Variants in MSRA observed in about 807,000 individuals in gnomAD.
The protein encoded by MSRA is methionine sulfoxide reductase A.
In MSRA, 54 loss-of-function variants were observed where a neutral mutation model predicts 31.3. That is an observed-to-expected ratio of 1.73 (90% CI 1.39 to 2.17). The LOEUF is 2.17. Ranked by LOEUF, MSRA falls within the 30% of genes most tolerant of loss-of-function variation. MSRA has a pLI of 0.00. For missense variants in MSRA, 507 were observed against 300.9 expected (o/e 1.69, Z -5.07); for synonymous variants, 169 against 116.5 (o/e 1.45, Z -2.90).
At position 10,115,840 on chromosome 8, in the gene MSRA, T is replaced by G. The variant is rs78933532; in HGVS notation, c.142+61182T>G. Among the ~76,000 whole-genome samples, 784 of 152,338 alleles carry G rather than the reference T, an allele frequency of 5.1e-3. 6 individuals are homozygous for G. Among genetic ancestry groups the G allele is most frequent in the African/African-American group, 0.018 (734 of 41,572 alleles). ...ACACAGTCCACACTCAATGACTGTT[T>G]AATGAATTAATTAATAAATAGAAAA... is the stretch of plus-strand genomic sequence containing the variant. On this transcript the variant is annotated intron_variant, in intron 1 of 5. Transcript: ENST00000317173.
intron 1 of MSRA, among the ~76,000 whole-genome samples, chr8:10,071,461 T>C (rs1465011955): frequency 2.1e-5 from 3 of 144,128 alleles, no homozygotes; most frequent in South Asian, 2.2e-4. Flanking sequence ...TAATTTTCTT[T>C]TTTTTTTTTT....
rs189517809 is a variant in MSRA at position 10,135,822 on chromosome 8, C to A, written c.143-72011C>A. On this transcript the variant is annotated intron_variant, in intron 1 of 5. Coordinates refer to ENST00000317173, the MANE Select transcript of MSRA (RefSeq NM_012331.5). Reference sequence around the variant, plus strand: ...CAGTTCTGGAATTTTGTTGAGACATCCCCAAAGTGTTTCACAGGCCTACAG... The same window carrying A: ...CAGTTCTGGAATTTTGTTGAGACATACCCAAAGTGTTTCACAGGCCTACAG... 4.6e-4 allele frequency among the ~76,000 whole-genome samples: 70 copies of A among 152,284 alleles called. No individual in the cohort carries two copies. The South Asian group carries it at 8.3e-3, about 18-fold the overall frequency.
At chr8:10,132,630 T>C (rs1203827240) in intron 1 of MSRA, among the ~76,000 whole-genome samples, 1 of 152,190 alleles carries the variant, frequency 6.6e-6, no homozygotes, top group Non-Finnish European at 1.5e-5. Flanking sequence ...AAGCAGGCTG[T>C]CCTATAAGGG....
intron 2 of MSRA, among the ~76,000 whole-genome samples, chr8:10,234,406 T>C (rs1197127195): frequency 6.6e-6 from 1 of 152,062 alleles, no homozygotes; most frequent in African/African-American, 2.4e-5. Flanking sequence ...TTGGAAAACA[T>C]AGTGAAGTGG....
intron 1 of MSRA, among the ~76,000 whole-genome samples, chr8:10,093,466 A>C (rs981701024): frequency 6.6e-6 from 1 of 152,132 alleles, no homozygotes; most frequent in Non-Finnish European, 1.5e-5. Context: ...GCTCTGTTCT[A>C]TTCCTTCTTT....
chr8:10,191,350 G>C (rs1807486519), intron 1 of MSRA, among the ~76,000 whole-genome samples: 1 of 152,030 alleles, frequency 6.6e-6, no homozygotes, highest in South Asian at 2.1e-4. Flanking sequence ...ATTGCAGTTA[G>C]GCCTTTGGCA....
intron 5 of MSRA, among the ~76,000 whole-genome samples, chr8:10,391,611 G>C (rs1806752521): frequency 6.6e-6 from 1 of 152,248 alleles, no homozygotes; most frequent in South Asian, 2.1e-4. Context: ...ACAAGATGAG[G>C]ATACTGGGTG....
intron 4 of MSRA, among the ~76,000 whole-genome samples, chr8:10,315,627 C>G (rs932461675): frequency 2.0e-4 from 31 of 152,188 alleles, no homozygotes; most frequent in Admixed American, 1.5e-3. Context: ...GATGGACTAG[C>G]TTTGTAAATG....
At chr8:10,128,093 C>G (rs953670487) in intron 1 of MSRA, among the ~76,000 whole-genome samples, 21 of 152,056 alleles carry the variant, frequency 1.4e-4, no homozygotes, top group Admixed American at 1.1e-3. Flanking sequence ...AAGTTTCTGT[C>G]TAGGCCAGGT....
intron 1 of MSRA, among the ~76,000 whole-genome samples, chr8:10,129,410 G>T (rs1262747875): frequency 6.6e-6 from 1 of 152,106 alleles, no homozygotes; most frequent in East Asian, 1.9e-4. Flanking sequence ...AAAGTTAAAT[G>T]AAATAAAATA....
At chr8:10,133,940 C>A (rs1050174134) in intron 1 of MSRA, among the ~76,000 whole-genome samples, 1 of 152,090 alleles carries the variant, frequency 6.6e-6, no homozygotes, top group African/African-American at 2.4e-5. Flanking sequence ...AAGTGATTCT[C>A]GTTTCTCAGC....
At chr8:10,237,342 G>C (rs184447926) in intron 2 of MSRA, among the ~76,000 whole-genome samples, 1 of 152,324 alleles carries the variant, frequency 6.6e-6, no homozygotes, top group East Asian at 1.9e-4. Context: ...TATAGAGATG[G>C]GCTTCCAGGT....
At chr8:10,107,001 A>G (rs1237496730) in intron 1 of MSRA, among the ~76,000 whole-genome samples, 2 of 151,996 alleles carry the variant, frequency 1.3e-5, no homozygotes, top group African/African-American at 4.8e-5. Context: ...TCAGCCCATT[A>G]TTCATTTAGT....
At chr8:10,198,705 C>A (rs889571690) in intron 1 of MSRA, among the ~76,000 whole-genome samples, 2 of 152,208 alleles carry the variant, frequency 1.3e-5, no homozygotes, top group African/African-American at 2.4e-5. Context: ...CTCAATGCAG[C>A]TTCTAACTAC....
intron 4 of MSRA, among the ~76,000 whole-genome samples, chr8:10,310,542 C>G (rs1801378663): frequency 6.6e-6 from 1 of 152,230 alleles, no homozygotes; most frequent in Non-Finnish European, 1.5e-5. Flanking sequence ...TGTCTGCACT[C>G]TGAGTGACAG....
chr8:10,416,225 C>T (rs543000609), intron 5 of MSRA, among the ~76,000 whole-genome samples: 1 of 152,194 alleles, frequency 6.6e-6, no homozygotes, highest in African/African-American at 2.4e-5. Context: ...TCGTGCCTAG[C>T]CCGGTCCTTG....
chr8:10,281,199 A>G (rs1298456000), intron 3 of MSRA, among the ~76,000 whole-genome samples: 1 of 152,210 alleles, frequency 6.6e-6, no homozygotes, highest in South Asian at 2.1e-4. Context: ...AGAAAAAAGC[A>G]TTTTCTACCA....
chr8:10,417,959 G>A (rs1168174677), intron 5 of MSRA, among the ~76,000 whole-genome samples: 1 of 152,060 alleles, frequency 6.6e-6, no homozygotes, highest in East Asian at 1.9e-4. Flanking sequence ...CCACATGCCC[G>A]CGTCCTGCCT....
intron 4 of MSRA, among the ~76,000 whole-genome samples, chr8:10,317,453 C>T (rs930456594): frequency 1.1e-4 from 16 of 152,076 alleles, no homozygotes; most frequent in African/African-American, 2.2e-4. Flanking sequence ...CTGGCTCTGC[C>T]GAGAGGGAGA....
Sources: allele counts gnomAD v4.1 joint callset (sites outside exome capture counted in the v4.1 genomes callset), GRCh38; gene constraint gnomAD v4.1.1; transcripts MANE v1.5; gene names NCBI Gene and HGNC (gene_info 2026-07-23, HGNC 2026-07-21).